TNN: variants seen among roughly 807,000 people sequenced by gnomAD.
The protein encoded by TNN is tenascin-N.
Under a neutral mutation model 134.4 loss-of-function variants are expected in TNN, and 122 were observed. The ratio of observed to expected loss-of-function variants is 0.91; its 90% CI spans 0.78 to 1.06. TNN has a LOEUF of 1.06. Among genes scored for constraint, TNN ranks in the 50% least tolerant of loss-of-function variants. The probability of loss-of-function intolerance (pLI) is 0.00; values close to 1 mark genes in which losing one functional copy is unlikely to be tolerated. For missense variants in TNN, 1,739 were observed against 1,699.4 expected, an observed-to-expected ratio of 1.02 and a Z score of -0.41; for synonymous variants, 710 against 670.3, an observed-to-expected ratio of 1.06 and a Z score of -0.91.
intron 6 of TNN, among the ~76,000 whole-genome samples, chr1:175,090,925 G>A (rs1401832787): frequency 6.6e-6 from 1 of 152,230 alleles, no homozygotes; most frequent in Non-Finnish European, 1.5e-5. Context: ...TCCAGCCTGG[G>A]GAGGATGTTG....
Position 175,117,140 on chromosome 1 carries a change from C to T in TNN, c.2321C>T (p.Thr774Met), listed in dbSNP as rs543482646. 9 of 1,614,240 alleles carry T rather than the reference C, an allele frequency of 5.6e-6. No individual in the cohort carries two copies. Among genetic ancestry groups the T allele is most frequent in the African/African-American group, 2.7e-5 (2 of 75,072 alleles). The change falls in exon 10 of 19, where the codon ACG becomes ATG. Residue 774 changes from threonine (T) to methionine (M), a missense_variant. Coordinates refer to ENST00000239462, the MANE Select transcript of TNN (RefSeq NM_022093.2). ...LTGLRPGVEY[T>M]VHVWAQKGAQ... ...GGCCTGAGGCCGGGTGTGGAGTACA[C>T]GGTGCACGTGTGGGCCCAGAAGGGG...
At chr1:175,135,542 G>A (rs551254713) in intron 15 of TNN, among the ~76,000 whole-genome samples, 6 of 152,176 alleles carry the variant, frequency 3.9e-5, no homozygotes, top group Non-Finnish European at 8.8e-5. Flanking sequence ...GGAATATCTT[G>A]CCCTAGACAA....
intron 1 of TNN, among the ~76,000 whole-genome samples, chr1:175,075,559 G>C (rs1052748023): frequency 6.6e-6 from 1 of 152,174 alleles, no homozygotes; most frequent in Non-Finnish European, 1.5e-5. Flanking sequence ...GCCTCCCAAA[G>C]TGTTGGGATT....
At chr1:175,094,519 A>G (rs1263308615) in intron 7 of TNN, among the ~76,000 whole-genome samples, 1 of 152,296 alleles carries the variant, frequency 6.6e-6, no homozygotes, top group East Asian at 1.9e-4. Context: ...ATAGAGTAAC[A>G]CTTCCTAATT....
At chr1:175,071,302 A>T (rs1052207618) in intron 1 of TNN, among the ~76,000 whole-genome samples, 1 of 151,894 alleles carries the variant, frequency 6.6e-6, no homozygotes, top group Non-Finnish European at 1.5e-5. Context: ...TTCTTTGGGG[A>T]AAATGAGGTG....
Position 175,087,098 on chromosome 1 carries a change from C to A in TNN, c.1324+1604C>A, listed in dbSNP as rs528905914. Among the ~76,000 whole-genome samples the A allele has an allele frequency of 2.0e-5, 3 of 152,234 alleles. No individual in the cohort carries two copies. The South Asian group carries it at 6.2e-4, about 32-fold the overall frequency. On this transcript the variant is annotated intron_variant, in intron 6 of 18. Coordinates refer to ENST00000239462, the MANE Select transcript of TNN (RefSeq NM_022093.2). ...TCTAAACCTTTGGGCTTAGCTACTG[C>A]AAACCAAAAAGTATCTGAGATAGGC... is the stretch of plus-strand genomic sequence containing the variant.
rs199596332 is a variant in TNN at position 175,079,457 on chromosome 1, C to G, written c.534C>G (p.His178Gln). Residue 178 changes from histidine (H) to glutamine (Q), a missense_variant, in exon 3 of 19, where the codon CAC becomes CAG. Coordinates refer to ENST00000239462, the MANE Select transcript of TNN (RefSeq NM_022093.2). ...RLACPGACSG[H>Q]GRCVDGRCLC... is the part of the protein sequence containing the mutation. Reference sequence around the variant, plus strand: ...CCTGCCCCGGGGCGTGCAGCGGCCACGGGCGTTGCGTGGACGGGCGCTGCC... The same window carrying G: ...CCTGCCCCGGGGCGTGCAGCGGCCAGGGGCGTTGCGTGGACGGGCGCTGCC... 6.4e-7 allele frequency: 1 copy of G among 1,569,396 alleles called. No individual in the cohort carries two copies. The highest frequency in any genetic ancestry group is 8.6e-7 in the Non-Finnish European group (1 of 1,160,498).
chr1:175,126,909 TC>T, intron 12 of TNN, 45 bp from the exon 13 acceptor site: 1 of 1,566,832 alleles, frequency 6.4e-7, no homozygotes, highest in Non-Finnish European at 8.6e-7. Context: ...TTACCTTGCC[TC>T]AGTTGTATCT....
rs150002687 is a variant in TNN at position 175,079,622 on chromosome 1, T to C, written c.699T>C (p.Cys233=). ...FMSEDCSEKR[C]PGDCSGHGFC... is the part of the protein sequence containing the mutation. ...CGGAGGACTGCAGCGAGAAGCGCTG[T>C]CCCGGCGACTGCAGCGGCCACGGCT... is the stretch of plus-strand genomic sequence containing the variant. The change falls in exon 3 of 19, where the codon TGT becomes TGC. Residue 233 remains cysteine (C), a synonymous_variant. Transcript: ENST00000239462. 5.7e-5 allele frequency: 92 copies of C among 1,602,784 alleles called. No homozygotes were observed. The highest frequency in any genetic ancestry group is 3.4e-5 in the Non-Finnish European group (40 of 1,176,104).
In TNN at chr1:175,147,165, A is replaced by G; in HGVS notation, c.*94A>G. 1 of 1,228,794 alleles carries G rather than the reference A, an allele frequency of 8.1e-7. No homozygotes were observed. The highest frequency in any genetic ancestry group is 1.1e-6 in the Non-Finnish European group (1 of 933,254). The allele number at this position is 1,228,794 out of a possible 1,614,324, so 76.1% of individuals were successfully genotyped here. ...GTCACTGCGGTCTGGGAGTGCTCAG[A>G]TAGCCCGCAGAACAAATCATGTCAC... On this transcript the variant is annotated 3_prime_UTR_variant, in exon 19 of 19. Transcript: ENST00000239462.
At chr1:175,130,922 C>T (rs571804267) in intron 15 of TNN, among the ~76,000 whole-genome samples, 2 of 150,004 alleles carry the variant, frequency 1.3e-5, no homozygotes, top group East Asian at 2.0e-4. Flanking sequence ...GAGCCAGACT[C>T]CTGGGGGTCA....
chr1:175,100,635 C>G (rs1038408024), intron 9 of TNN, among the ~76,000 whole-genome samples: 1 of 151,888 alleles, frequency 6.6e-6, no homozygotes, highest in Non-Finnish European at 1.5e-5. Context: ...TGTAATAGGA[C>G]GTATGAGCAA....
At position 175,093,973 on chromosome 1, in the gene TNN, C is replaced by T. The variant is rs1674507912; in HGVS notation, c.1325-17C>T. ...ACTGGTTTCTCTGATTTTTCTTTCT[C>T]ATGTGTTTTTATGAAGAAATTGACA... On this transcript the variant is annotated splice_polypyrimidine_tract_variant and intron_variant, in intron 6 of 18. Coordinates refer to ENST00000239462, the MANE Select transcript of TNN (RefSeq NM_022093.2). 7.6e-6 allele frequency: 12 copies of T among 1,577,222 alleles called. No homozygotes were observed. Among genetic ancestry groups the T allele is most frequent in the Non-Finnish European group, 9.5e-6 (11 of 1,154,880 alleles).
intron 6 of TNN, among the ~76,000 whole-genome samples, chr1:175,093,049 G>T (rs1674490352): frequency 1.3e-5 from 2 of 152,202 alleles, no homozygotes; most frequent in Non-Finnish European, 2.9e-5. Context: ...GTCAGATCAG[G>T]TCATTCCTCT....
intron 13 of TNN, 144 bp downstream of exon 13, chr1:175,127,229 T>G: frequency 1.0e-6 from 1 of 997,674 alleles, no homozygotes; most frequent in East Asian, 2.5e-5. Flanking sequence ...TGCCCCGGGT[T>G]ATTTTGTTTA....
intron 18 of TNN, among the ~76,000 whole-genome samples, chr1:175,146,111 A>T (rs1676063491): frequency 6.6e-6 from 1 of 152,150 alleles, no homozygotes; most frequent in African/African-American, 2.4e-5. Flanking sequence ...CAAAGGGAAG[A>T]AGAAATTTGC....
intron 1 of TNN, 136 bp from the exon 2 acceptor site, chr1:175,077,248 G>A (rs890414729): frequency 3.6e-5 from 26 of 714,854 alleles, no homozygotes; most frequent in Middle Eastern, 4.1e-4. Context: ...AATTTGGTTC[G>A]GATCCTTGGG....
chr1:175,136,813 A>G lies in TNN; in HGVS notation c.3428-8A>G, dbSNP rs749458969. The G allele has an allele frequency of 1.2e-6, 2 of 1,611,246 alleles. No individual in the cohort carries two copies. The highest frequency in any genetic ancestry group is 1.7e-5 in the Admixed American group (1 of 59,488). On this transcript the variant is annotated splice_polypyrimidine_tract_variant and splice_region_variant and intron_variant, in intron 16 of 18. Transcript: ENST00000239462. ...ATTGATTATTGGAATTCCGTTTTTT[A>G]TTTTTAGGACTTGACAAGCTACACA...
rs1199690181 is a variant in TNN at position 175,147,323 on chromosome 1, G to C, written c.*252G>C. On this transcript the variant is annotated 3_prime_UTR_variant, in exon 19 of 19. Coordinates refer to ENST00000239462, the MANE Select transcript of TNN (RefSeq NM_022093.2). ...AGTACTGGAACGGCAAGGTTTCTCA[G>C]CTTATCTTCAGCAACATATATACTG... 2.8e-6 allele frequency: 1 copy of C among 361,826 alleles called. No individual in the cohort carries two copies. The highest frequency in any genetic ancestry group is 2.1e-5 in the African/African-American group (1 of 47,996). 22.4% of individuals were successfully genotyped at this position (361,826 alleles called of 1,614,324 possible). A position where few individuals can be genotyped will look rare whatever the true frequency, so the allele number is the denominator to read the frequency against.
Sources: gnomAD v4.1 joint callset for allele counts (sites outside exome capture counted in the v4.1 genomes callset) on GRCh38, gnomAD v4.1.1 for gene constraint, MANE v1.5 for transcripts, NCBI Gene and HGNC (gene_info 2026-07-23, HGNC 2026-07-21) for gene names.